Variants in SLC22A23 observed in about 807,000 individuals in gnomAD.
SLC22A23 encodes ion transporter protein.
SLC22A23 carries 26 observed loss-of-function variants against 61.0 expected under a neutral mutation model. The observed-to-expected ratio is 0.43, with a 90% CI of 0.31 to 0.59. The LOEUF (loss-of-function observed/expected upper bound fraction) is 0.59, where lower values mean the gene tolerates loss of function less well. SLC22A23 is among the 20% of genes least tolerant of loss of function. The pLI, the probability that SLC22A23 is intolerant of heterozygous loss-of-function variation, is 0.11. For missense variants in SLC22A23, 796 were observed against 934.7 expected (o/e 0.85, Z 1.94); for synonymous variants, 430 against 413.9 (o/e 1.04, Z -0.47).
At position 3,287,004 on chromosome 6, in the gene SLC22A23, A is replaced by G. The variant is rs745793578; in HGVS notation, c.1401T>C (p.Ala467=). Residue 467 remains alanine, a synonymous_variant, in exon 7 of 10, where the codon GCT becomes GCC. Transcript: ENST00000406686. ...VKVPLLENFY[A]DYYTTASIAL... is the part of the protein sequence containing the mutation. ...CGATGCTGGCCGTGGTATAGTAGTCAGCATAGAAGTTCTCCAGGAGCGGCA... is the reference window on the plus strand; with the variant it reads ...CGATGCTGGCCGTGGTATAGTAGTCGGCATAGAAGTTCTCCAGGAGCGGCA... 1.2e-6 allele frequency: 2 copies of G among 1,614,210 alleles called. No homozygotes were observed. The highest frequency in any genetic ancestry group is 1.1e-5 in the South Asian group (1 of 91,080).
At chr6:3,310,330 C>CGAGCACCCTGTCTCCCAGG (rs376669224) in intron 4 of SLC22A23, among the ~76,000 whole-genome samples, 2 of 65,524 alleles carry the variant, frequency 3.1e-5, no homozygotes, top group East Asian at 3.1e-4. Flanking sequence ...GCCTCCCACT[C>CGAGCACCCTGTCTCCCAGG]GAGCACCCTG....
At chr6:3,344,634 T>C (rs1228479452) in intron 3 of SLC22A23, among the ~76,000 whole-genome samples, 2 of 152,234 alleles carry the variant, frequency 1.3e-5, no homozygotes, top group East Asian at 1.9e-4. Context: ...TTTGTACACA[T>C]AGAGTGATGT....
Position 3,324,728 on chromosome 6 carries a change from C to T in SLC22A23, c.914-726G>A, listed in dbSNP as rs1390992447. Among the ~76,000 whole-genome samples the T allele has an allele frequency of 6.6e-6, 1 of 152,234 alleles. No individual in the cohort carries two copies. Among genetic ancestry groups the T allele is most frequent in the South Asian group, 2.1e-4 (1 of 4,832 alleles). On this transcript the variant is annotated intron_variant, in intron 3 of 9. Coordinates refer to ENST00000406686, the MANE Select transcript of SLC22A23 (RefSeq NM_015482.2). The surrounding 1 kb of genome is among the most constrained non-coding windows in gnomAD (Gnocchi z 4.3). The stretch of plus-strand genomic sequence containing the variant: ...TGAGTCATGCATCCTTTCTCTGTCT[C>T]TATTGGACACCACCCCCGGGCAAGG...
chr6:3,395,681 C>T (rs754273038), intron 3 of SLC22A23, among the ~76,000 whole-genome samples: 1 of 152,160 alleles, frequency 6.6e-6, no homozygotes, highest in Non-Finnish European at 1.5e-5. Context: ...GTCAGCCAAG[C>T]CTTAAAATCA....
At chr6:3,334,348 A>G (rs546032631) in intron 3 of SLC22A23, among the ~76,000 whole-genome samples, 1 of 152,092 alleles carries the variant, frequency 6.6e-6, no homozygotes, top group Non-Finnish European at 1.5e-5. Context: ...TTTAGTAGAG[A>G]TGGGGTTTCA....
intron 1 of SLC22A23, among the ~76,000 whole-genome samples, chr6:3,426,003 T>C (rs915866862): frequency 6.6e-6 from 1 of 152,246 alleles, no homozygotes; most frequent in African/African-American, 2.4e-5. Context: ...AGAAGCAAAG[T>C]AGCATACTGA....
chr6:3,297,940 A>T lies in SLC22A23; in HGVS notation c.1210+151T>A. On this transcript the variant is annotated intron_variant, in intron 5 of 9. Coordinates refer to ENST00000406686, the MANE Select transcript of SLC22A23 (RefSeq NM_015482.2). The surrounding 1 kb of genome is among the most constrained non-coding windows in gnomAD (Gnocchi z 4.3). ...CACCTAGAAAATGGAGAGAATGTCAAGGTTGCCACATTGCCCTTGTGCAGG... is the reference window on the plus strand; with the variant it reads ...CACCTAGAAAATGGAGAGAATGTCATGGTTGCCACATTGCCCTTGTGCAGG... 1.2e-6 allele frequency: 1 copy of T among 818,046 alleles called. No homozygotes were observed. Among genetic ancestry groups the T allele is most frequent in the Non-Finnish European group, 1.8e-6 (1 of 561,690 alleles). The allele number at this position is 818,046 out of a possible 1,614,324, so 50.7% of individuals were successfully genotyped here.
At chr6:3,287,116 T>C in intron 6 of SLC22A23, 25 bp from the exon 7 acceptor site, 1 of 1,607,612 alleles carries the variant, frequency 6.2e-7, no homozygotes, top group South Asian at 1.1e-5. Flanking sequence ...CGAGCGGCAG[T>C]GGGTGGGCTG....
In SLC22A23 at chr6:3,427,253, G is replaced by C. The variant is rs1170730105; in HGVS notation, c.655-11398C>G. ...CGGGAATGCGCCTGGTGCAGTAACC[G>C]GCACAAAGTGATTATTACTCATTAA... On this transcript the variant is annotated intron_variant, in intron 1 of 9. Transcript: ENST00000406686. This position sits in a 1 kb window ranked among gnomAD's most constrained non-coding sequence, Gnocchi z 4.3. Among the ~76,000 whole-genome samples, 2 of 152,122 alleles carry C rather than the reference G, an allele frequency of 1.3e-5. 1 individual carries two copies. Among genetic ancestry groups the C allele is most frequent in the South Asian group, 4.1e-4 (2 of 4,824 alleles).
intron 1 of SLC22A23, among the ~76,000 whole-genome samples, chr6:3,451,335 T>G (rs545386678): frequency 6.6e-6 from 1 of 152,334 alleles, no homozygotes; most frequent in African/African-American, 2.4e-5. Flanking sequence ...TAGCTGGGAT[T>G]AGAGGCGTGC....
rs142445411 is a variant in SLC22A23 at position 3,436,239 on chromosome 6, G to A, written c.654+19667C>T. Reference sequence around the variant, plus strand: ...ACTGCAATCTTTGCCTCCCAGGTTCGATTCTCCTGCCTCAGCCTCCCGGGT... The same window carrying A: ...ACTGCAATCTTTGCCTCCCAGGTTCAATTCTCCTGCCTCAGCCTCCCGGGT... On this transcript the variant is annotated intron_variant, in intron 1 of 9. Transcript: ENST00000406686. 9.1e-3 allele frequency among the ~76,000 whole-genome samples: 1,384 copies of A among 151,968 alleles called. 29 individuals are homozygous for A. Among genetic ancestry groups the A allele is most frequent in the African/African-American group, 0.032 (1,312 of 41,432 alleles).
At chr6:3,326,357 G>A (rs763816732) in intron 3 of SLC22A23, among the ~76,000 whole-genome samples, 3 of 152,116 alleles carry the variant, frequency 2.0e-5, no homozygotes, top group Admixed American at 1.3e-4. Context: ...TGTCGGTATC[G>A]CATGCGATCA....
At chr6:3,391,455 A>G (rs1204079533) in intron 3 of SLC22A23, among the ~76,000 whole-genome samples, 1 of 152,252 alleles carries the variant, frequency 6.6e-6, no homozygotes, top group Non-Finnish European at 1.5e-5. Flanking sequence ...CAGCTTTAAC[A>G]ATTTAGAATC....
intron 4 of SLC22A23, among the ~76,000 whole-genome samples, chr6:3,310,606 C>A (rs1762318804): frequency 6.6e-6 from 1 of 152,250 alleles, no homozygotes; most frequent in Non-Finnish European, 1.5e-5. Context: ...ATCTTAGTCC[C>A]TGTAACCTGA....
At chr6:3,404,598 T>A (rs1768663798) in intron 3 of SLC22A23, among the ~76,000 whole-genome samples, 1 of 152,184 alleles carries the variant, frequency 6.6e-6, no homozygotes, top group Non-Finnish European at 1.5e-5. Flanking sequence ...CCCTGCTGGA[T>A]GGCTCACCCC....
chr6:3,397,066 G>A (rs1054619733), intron 3 of SLC22A23, among the ~76,000 whole-genome samples: 28 of 152,158 alleles, frequency 1.8e-4, no homozygotes, highest in Non-Finnish European at 5.9e-5. Context: ...GCTGCTGTGG[G>A]GTCGCAGCCC....
At chr6:3,389,392 T>C (rs902201474) in intron 3 of SLC22A23, among the ~76,000 whole-genome samples, 4 of 150,786 alleles carry the variant, frequency 2.7e-5, no homozygotes, top group African/African-American at 9.8e-5. Context: ...ATGGTTAAGA[T>C]AGTAAATGTT....
At chr6:3,389,498 G>A (rs540545890) in intron 3 of SLC22A23, among the ~76,000 whole-genome samples, 5 of 152,290 alleles carry the variant, frequency 3.3e-5, no homozygotes, top group East Asian at 3.9e-4. Context: ...GAGCGCTGAG[G>A]AGGCAGTCAG....
At chr6:3,399,544 A>G (rs55851727) in intron 3 of SLC22A23, among the ~76,000 whole-genome samples, 16,260 of 152,220 alleles carry the variant, frequency 0.11, 1,686 homozygotes, top group African/African-American at 0.26. Context: ...GGCAAACAAC[A>G]GGGCCAAGCC....
Sources: gnomAD v4.1 joint callset for allele counts (sites outside exome capture counted in the v4.1 genomes callset) on GRCh38, gnomAD v4.1.1 for gene constraint, Gnocchi (gnomAD v3.1) non-coding constraint, MANE v1.5 for transcripts, NCBI Gene and HGNC (gene_info 2026-07-23, HGNC 2026-07-21) for gene names.